DSC1: variants seen among roughly 807,000 people sequenced by gnomAD.
The protein encoded by DSC1 is desmocollin-1.
In DSC1, 79 loss-of-function variants were observed where a neutral mutation model predicts 98.8. The ratio of observed to expected loss-of-function variants is 0.80; its 90% CI spans 0.67 to 0.96. The LOEUF (loss-of-function observed/expected upper bound fraction) is 0.96. DSC1 is among the 50% of genes least tolerant of loss of function. The pLI is 0.00. For synonymous variants in DSC1, 405 were observed against 372.1 expected, an observed-to-expected ratio of 1.09 and a Z score of -1.02; for missense variants, 1,115 against 1,075.9, an observed-to-expected ratio of 1.04 and a Z score of -0.51.
At chr18:31,159,714 T>C (rs1435412199) in intron 1 of DSC1, among the ~76,000 whole-genome samples, 185 bp from the exon 2 acceptor site, 2 of 152,174 alleles carry the variant, frequency 1.3e-5, no homozygotes, top group African/African-American at 2.4e-5. Context: ...AATAGCACTG[T>C]CATTTATTTG....
At chr18:31,133,366 C>T (rs1296027142) in intron 13 of DSC1, among the ~76,000 whole-genome samples, 1 of 152,126 alleles carries the variant, frequency 6.6e-6, no homozygotes, top group Non-Finnish European at 1.5e-5. Context: ...TCTTAGCATC[C>T]TTTGCCTGTA....
chr18:31,154,250 C>T (rs892367531), intron 5 of DSC1, among the ~76,000 whole-genome samples: 1 of 146,474 alleles, frequency 6.8e-6, no homozygotes, highest in Admixed American at 6.9e-5. Flanking sequence ...GATCTCATTG[C>T]TGAAGAATAG....
At chr18:31,151,615 A>G (rs567147519) in intron 5 of DSC1, among the ~76,000 whole-genome samples, 3 of 152,322 alleles carry the variant, frequency 2.0e-5, no homozygotes, top group South Asian at 2.1e-4. Flanking sequence ...GAATTATTCT[A>G]TAGCTTAAAG....
At chr18:31,150,443 C>CTGCCAT (rs1303827094) in intron 5 of DSC1, among the ~76,000 whole-genome samples, 2 of 121,970 alleles carry the variant, frequency 1.6e-5, no homozygotes, top group Admixed American at 7.7e-5. Flanking sequence ...ACCATCACCA[C>CTGCCAT]CACTACCACC....
rs1039496164 is a variant in DSC1 at position 31,148,504 on chromosome 18, G to A, written c.766C>T (p.Arg256Ter). ...CAATAAAATGTGAACTTACCGGATC[G>A]GCAATTTTCAGGCACAGTAAAGATA... ...VTIFTVPENCRSGTSVGKVTA... is the reference protein window; with the variant it reads ...VTIFTVPENC Residue 256 changes from arginine (R) to a stop codon, truncating the protein, a stop_gained, in exon 6 of 16, where the codon CGA becomes TGA. Coordinates refer to ENST00000257198, the MANE Select transcript of DSC1 (RefSeq NM_024421.2). LOFTEE classifies it high-confidence loss of function. 10 of 1,593,720 alleles carry A rather than the reference G, an allele frequency of 6.3e-6. No individual in the cohort carries two copies. The highest frequency in any genetic ancestry group is 1.1e-5 in the South Asian group (1 of 88,356).
At chr18:31,157,710 AT>A in intron 2 of DSC1, 137 bp from the exon 3 acceptor site, 1 of 809,458 alleles carries the variant, frequency 1.2e-6, no homozygotes, top group Admixed American at 2.8e-5. Flanking sequence ...AGCACCTGCT[AT>A]TCTAAAACGT....
Position 31,134,612 on chromosome 18 carries a change from A to C in DSC1, c.1836T>G (p.Asp612Glu). The change falls in exon 12 of 16, where the codon GAT (aspartate) becomes GAG (glutamate). Residue 612 changes from aspartate to glutamate, a missense_variant. Asp to Glu is a conservative substitution (Grantham distance 45, BLOSUM62 2). Coordinates refer to ENST00000257198, the MANE Select transcript of DSC1 (RefSeq NM_024421.2). ...ENGPPFQFFL[D>E]NSASKNWNIE... ...TGTTCCAGTTTTTACTGGCAGAATT[A>C]TCCAGAAAGAATTGAAAAGGTGGTC... The C allele has an allele frequency of 6.2e-7, 1 of 1,612,358 alleles. No individual in the cohort carries two copies. The highest frequency in any genetic ancestry group is 8.5e-7 in the Non-Finnish European group (1 of 1,179,090).
chr18:31,133,148 A>G (rs1658112), intron 13 of DSC1, among the ~76,000 whole-genome samples: 102,760 of 151,986 alleles, frequency 0.68, 37,905 homozygotes, highest in Non-Finnish European at 0.83. Context: ...CTGAAACTCA[A>G]ATCAATGAAT....
rs1252088856 is a variant in DSC1 at position 31,131,810 on chromosome 18, G to A, written c.2271C>T (p.Ser757=). The part of the protein sequence containing the change: ...EANIRLPMQT[S]NICDTSMSVG... ...CAGACATGCTTGTGTCACAAATGTT[G>A]GATGTCTGCATGGGGAGTCTAATAT... The change falls in exon 15 of 16, where the codon TCC becomes TCT. Residue 757 remains serine (S), a synonymous_variant. Coordinates refer to ENST00000257198, the MANE Select transcript of DSC1 (RefSeq NM_024421.2). 6.2e-7 allele frequency: 1 copy of A among 1,614,050 alleles called. No individual in the cohort carries two copies. The highest frequency in any genetic ancestry group is 8.5e-7 in the Non-Finnish European group (1 of 1,179,958).
At position 31,159,521 on chromosome 18, in the gene DSC1, T is replaced by A. The variant is rs1251560976; in HGVS notation, c.72A>T (p.Thr24=). ...CTTTCTGACAAGCATCGCAAAGTAA[T>A]GTTAAAACCTCAAAAAAAAAAAAAG... The part of the protein sequence containing the change: ...KQLLFSLLVL[T]LLCDACQKVY... The change falls in exon 2 of 16, where the codon ACA becomes ACT. Residue 24 remains threonine (T), a synonymous_variant. Transcript: ENST00000257198. 1.3e-6 allele frequency: 2 copies of A among 1,575,122 alleles called. No homozygotes were observed. The highest frequency in any genetic ancestry group is 1.7e-6 in the Non-Finnish European group (2 of 1,168,350).
Position 31,141,984 on chromosome 18 carries a change from A to C in DSC1, c.1260+15T>G, listed in dbSNP as rs1988746480. On this transcript the variant is annotated intron_variant, in intron 9 of 15. Coordinates refer to ENST00000257198, the MANE Select transcript of DSC1 (RefSeq NM_024421.2). Reference sequence around the variant, plus strand: ...GGATATTTTAAAGCATAGCCTGATTATTTTATTTGTTTACCTTGACAACAC... The same window carrying C: ...GGATATTTTAAAGCATAGCCTGATTCTTTTATTTGTTTACCTTGACAACAC... 6 of 1,589,828 alleles carry C rather than the reference A, an allele frequency of 3.8e-6. No homozygotes were observed. The highest frequency in any genetic ancestry group is 5.1e-6 in the Non-Finnish European group (6 of 1,172,874).
chr18:31,157,598 G>A (rs747581984), intron 2 of DSC1, 25 bp from the exon 3 acceptor site: 1 of 1,613,394 alleles, frequency 6.2e-7, no homozygotes, highest in South Asian at 1.1e-5. Flanking sequence ...TATCACAGCA[G>A]TTTGTCAGAT....
rs1988445373 is a variant in DSC1 at position 31,129,834 on chromosome 18, G to A, written c.*680C>T. ...ATCTCTGCCCCTCAATTTGCTATGA[G>A]CTTGTTCTGGTCCTTATCTTTCCAA... On this transcript the variant is annotated 3_prime_UTR_variant, in exon 16 of 16. Transcript: ENST00000257198. 2 of 152,140 alleles carry A rather than the reference G, an allele frequency of 1.3e-5. No homozygotes were observed. Among genetic ancestry groups the A allele is most frequent in the Non-Finnish European group, 2.9e-5 (2 of 68,052 alleles). 9.4% of individuals were successfully genotyped at this position (152,140 alleles called of 1,614,324 possible).
At chr18:31,136,238 T>C (rs1988605790) in intron 11 of DSC1, among the ~76,000 whole-genome samples, 1 of 151,890 alleles carries the variant, frequency 6.6e-6, no homozygotes, top group South Asian at 2.1e-4. Context: ...AACTAAGAAA[T>C]GAATAATATG....
At chr18:31,155,085 G>C (rs183252368) in intron 4 of DSC1, among the ~76,000 whole-genome samples, 156 bp from the exon 5 acceptor site, 1 of 151,924 alleles carries the variant, frequency 6.6e-6, no homozygotes, top group South Asian at 2.1e-4. Context: ...CATGTTTTCC[G>C]AATTTTTATT....
intron 5 of DSC1, among the ~76,000 whole-genome samples, chr18:31,149,294 C>T (rs1018901271): frequency 7.2e-5 from 11 of 152,282 alleles, no homozygotes; most frequent in Non-Finnish European, 1.5e-4. Flanking sequence ...GGATTTTCAT[C>T]CCTCATGGGA....
At chr18:31,131,282 G>A (rs191550687) in intron 15 of DSC1, among the ~76,000 whole-genome samples, 16 of 152,266 alleles carry the variant, frequency 1.1e-4, no homozygotes, top group Admixed American at 6.5e-4. Flanking sequence ...ATTCATTCCT[G>A]TATAATAAAT....
intron 9 of DSC1, 135 bp from the exon 10 acceptor site, chr18:31,140,436 A>G: frequency 1.1e-6 from 1 of 891,708 alleles, no homozygotes; most frequent in Non-Finnish European, 1.6e-6. Context: ...ACAGTTAAAG[A>G]CCAACAATTA....
rs1444380775 is a variant in DSC1 at position 31,140,277 on chromosome 18, G to A, written c.1285C>T (p.Gln429Ter). The A allele has an allele frequency of 3.1e-6, 5 of 1,613,712 alleles. No individual in the cohort carries two copies. ...ATGACACCAACTTGCAAAATAACTT[G>A]GCGATTGACTTCATAGTTCAATGGC... ...VKPLNYEVNR[Q>*]VILQVGVINE... The change falls in exon 10 of 16, where the codon CAA becomes TAA. Residue 429 changes from glutamine to a stop codon, truncating the protein, a stop_gained. Transcript: ENST00000257198. LOFTEE classifies it high-confidence loss of function.
Sources: allele counts gnomAD v4.1 joint callset (sites outside exome capture counted in the v4.1 genomes callset), GRCh38; gene constraint gnomAD v4.1.1; transcripts MANE v1.5; gene names NCBI Gene and HGNC (gene_info 2026-07-23, HGNC 2026-07-21).